MAN1B1: variants seen among roughly 807,000 people sequenced by gnomAD.
The protein encoded by MAN1B1 is endoplasmic reticulum mannosyl-oligosaccharide 1,2-alpha-mannosidase.
Under a neutral mutation model 75.5 loss-of-function variants are expected in MAN1B1, and 66 were observed. The ratio of observed to expected loss-of-function variants is 0.87; its 90% CI spans 0.72 to 1.07. The LOEUF (loss-of-function observed/expected upper bound fraction) is 1.07. Ranked by LOEUF, MAN1B1 falls within the 50% of genes least tolerant of loss-of-function variation. The pLI, the probability that MAN1B1 is intolerant of heterozygous loss-of-function variation, is 0.00. For synonymous variants in MAN1B1, 453 were observed against 382.8 expected (o/e 1.18, Z -2.14); for missense variants, 973 against 912.5 (o/e 1.07, Z -0.85).
At chr9:137,104,790 G>C (rs747975654) in intron 8 of MAN1B1, 5 of 153,468 alleles carry the variant, frequency 3.3e-5, no homozygotes, top group Non-Finnish European at 5.7e-5. Context: ...CTGCTTTGTT[G>C]TGAGTGCGGG....
chr9:137,102,925 G>C (rs527927682), intron 8 of MAN1B1: 2 of 371,620 alleles, frequency 5.4e-6, no homozygotes, highest in Admixed American at 3.1e-5. Flanking sequence ...CATTCACGCT[G>C]TTGCAGGCAT....
In MAN1B1 at chr9:137,108,626, G is replaced by A. The variant is rs1831204099; in HGVS notation, c.*35G>A. On this transcript the variant is annotated 3_prime_UTR_variant, in exon 13 of 13. Transcript: ENST00000371589. ...CTGCTGGTGTGGGGACTTCGGGTGG[G>A]CAGAGGCACCTTGCTGGGTCTGTGG... 1.9e-6 allele frequency: 3 copies of A among 1,598,652 alleles called. No individual in the cohort carries two copies. Among genetic ancestry groups the A allele is most frequent in the Non-Finnish European group, 2.6e-6 (3 of 1,166,632 alleles).
intron 8 of MAN1B1, 157 bp downstream of exon 8, chr9:137,101,829 CGTG>C (rs1164464777): frequency 8.5e-6 from 8 of 937,762 alleles, no homozygotes; most frequent in Non-Finnish European, 1.3e-5. Context: ...CATTTCCAGG[CGTG>C]GTCGGTGGTG....
Position 137,107,298 on chromosome 9 carries a change from C to T in MAN1B1, c.1615C>T (p.His539Tyr). ...AGGGACGCTGGCTCTGGGCGTCTAC[C>T]ACGGCCTGCCCGCCAGCCACATGGA... ...LPGTLALGVYHGLPASHMELA... is the reference protein window; with the variant it reads ...LPGTLALGVYYGLPASHMELA... Residue 539 changes from histidine (H) to tyrosine (Y), a missense_variant, in exon 11 of 13, where the codon CAC (histidine) becomes TAC (tyrosine). By Grantham distance (83) the His-to-Tyr change is moderately conservative. Coordinates refer to ENST00000371589, the MANE Select transcript of MAN1B1 (RefSeq NM_016219.5). 1 of 1,613,114 alleles carries T rather than the reference C, an allele frequency of 6.2e-7. No individual in the cohort carries two copies. The highest frequency in any genetic ancestry group is 1.7e-5 in the Admixed American group (1 of 60,036).
rs1342601264 is a variant in MAN1B1 at position 137,088,853 on chromosome 9, A to G, written c.329-16A>G. The G allele has an allele frequency of 6.2e-7, 1 of 1,613,728 alleles. No homozygotes were observed. Among genetic ancestry groups the G allele is most frequent in the Non-Finnish European group, 8.5e-7 (1 of 1,180,014 alleles). On this transcript the variant is annotated splice_polypyrimidine_tract_variant and intron_variant, in intron 2 of 12. Transcript: ENST00000371589. ...CCTTGTGGCATATTTGAAATAAAAT[A>G]GCTTCTGTTATTCAGCTCTGGCTTT... is the stretch of plus-strand genomic sequence containing the variant.
rs770728551 is a variant in MAN1B1, at chr9:137,107,247, C to T, written c.1567-3C>T. The T allele has an allele frequency of 6.8e-6, 11 of 1,612,666 alleles. No homozygotes were observed. Among genetic ancestry groups the T allele is most frequent in the Non-Finnish European group, 8.5e-6 (10 of 1,179,788 alleles). On this transcript the variant is annotated splice_region_variant and splice_polypyrimidine_tract_variant and intron_variant, in intron 10 of 12. Coordinates refer to ENST00000371589, the MANE Select transcript of MAN1B1 (RefSeq NM_016219.5). ...TGGGGCTGAAGAGACCCTCTGATTC[C>T]AGGACCACCTGGTGTGCTTCCTGCC...
At chr9:137,106,564 C>T (rs562523035) in intron 9 of MAN1B1, 125 bp from the exon 10 acceptor site, 110 of 1,485,336 alleles carry the variant, frequency 7.4e-5, no homozygotes, top group Non-Finnish European at 9.6e-5. Flanking sequence ...TGCAGGGTGG[C>T]ACCTTCTGTC....
rs1588599371 is a variant in MAN1B1, at chr9:137,099,883, T to G, written c.916+2T>G. 6.2e-7 allele frequency: 1 copy of G among 1,614,064 alleles called. No homozygotes were observed. The highest frequency in any genetic ancestry group is 8.5e-7 in the Non-Finnish European group (1 of 1,180,002). On this transcript the variant is annotated splice_donor_variant, in intron 6 of 12. Coordinates refer to ENST00000371589, the MANE Select transcript of MAN1B1 (RefSeq NM_016219.5). LOFTEE classifies it high-confidence loss of function. The stretch of plus-strand genomic sequence containing the variant: ...TGTGGATCTTGGGTCTGAGGAAAGG[T>G]ACCTGGTGCTTTCTGGGGAGGGGCT...
chr9:137,087,023 A>G lies in MAN1B1; in HGVS notation c.24A>G (p.Arg8=). The G allele has an allele frequency of 1.9e-6, 3 of 1,601,320 alleles. No homozygotes were observed. Among genetic ancestry groups the G allele is most frequent in the Non-Finnish European group, 1.7e-6 (2 of 1,175,798 alleles). MAACEGR[R]SGALGSSQSD... ...CGATGGCTGCCTGCGAGGGCAGGAGAAGCGGAGCTCTCGGTTCCTCTCAGT... is the reference window on the plus strand; with the variant it reads ...CGATGGCTGCCTGCGAGGGCAGGAGGAGCGGAGCTCTCGGTTCCTCTCAGT... The change falls in exon 1 of 13, where the codon AGA becomes AGG. Residue 8 remains arginine, a synonymous_variant. Coordinates refer to ENST00000371589, the MANE Select transcript of MAN1B1 (RefSeq NM_016219.5).
intron 12 of MAN1B1, chr9:137,108,163 G>A (rs1016659275): frequency 2.0e-5 from 12 of 615,054 alleles, no homozygotes; most frequent in African/African-American, 1.7e-4. Flanking sequence ...CCAGGTTCTG[G>A]GGGAGGCGGT....
intron 2 of MAN1B1, chr9:137,088,659 G>A (rs981439819): frequency 9.9e-6 from 7 of 705,354 alleles, no homozygotes; most frequent in Admixed American, 7.8e-5. Context: ...AAAGATGTGG[G>A]GTTCTGTGTT....
Position 137,108,710 on chromosome 9 carries a change from GCTCTGGGCTCCTCCTCGT to G in MAN1B1, c.*125_*142del, listed in dbSNP as rs1564315572. ...GCCAAGTGGCCCAGGCTCTGAACTG[GCTCTGGGCTCCTCCTCGT>G]CTCTGCTTTAATCAGGACACCGTGA... On this transcript the variant is annotated 3_prime_UTR_variant, in exon 13 of 13. Coordinates refer to ENST00000371589, the MANE Select transcript of MAN1B1 (RefSeq NM_016219.5). 4 of 917,152 alleles carry G rather than the reference GCTCTGGGCTCCTCCTCGT, an allele frequency of 4.4e-6. No homozygotes were observed. In the South Asian group the frequency reaches 5.3e-5, roughly 12 times the overall value. The allele number at this position is 917,152 out of a possible 1,614,324, so 56.8% of individuals were successfully genotyped here.
intron 3 of MAN1B1, among the ~76,000 whole-genome samples, chr9:137,092,956 TATTA>T (rs1332887074): frequency 6.6e-6 from 1 of 152,200 alleles, no homozygotes. Context: ...GTATTCCCTT[TATTA>T]TTAGTATGAC....
intron 11 of MAN1B1, 36 bp downstream of exon 11, chr9:137,107,483 A>T (rs761429012): frequency 6.2e-7 from 1 of 1,613,178 alleles, no homozygotes; most frequent in South Asian, 1.1e-5. Context: ...CATCAGGAGG[A>T]GGGTGCTGGC....
chr9:137,105,258 C>T (rs1831051695), intron 8 of MAN1B1: 1 of 152,788 alleles, frequency 6.5e-6, no homozygotes, highest in Admixed American at 6.5e-5. Flanking sequence ...ATGTTCGAGT[C>T]CCTGTTTTTA....
At chr9:137,104,455 A>T in intron 8 of MAN1B1, 1 of 270,734 alleles carries the variant, frequency 3.7e-6, no homozygotes, top group Non-Finnish European at 7.2e-6. Flanking sequence ...GACTGGTCTC[A>T]AACTCCTGAC....
At position 137,102,353 on chromosome 9, in the gene MAN1B1, T is replaced by C. The variant is rs1357715448; in HGVS notation, c.1254+681T>C. 4.4e-5 allele frequency: 19 copies of C among 427,410 alleles called. 1 individual carries two copies. The Middle Eastern group carries it at 2.4e-3, about 54-fold the overall frequency. 26.5% of individuals were successfully genotyped at this position (427,410 alleles called of 1,614,324 possible). A position where few individuals can be genotyped will look rare whatever the true frequency, so the allele number is the denominator to read the frequency against. On this transcript the variant is annotated intron_variant, in intron 8 of 12. Coordinates refer to ENST00000371589, the MANE Select transcript of MAN1B1 (RefSeq NM_016219.5). ...CTGTTGCAGGCGTGCAGGTCGGTGGTGTTACATTCACGCTGTTGCAGACGT... is the reference window on the plus strand; with the variant it reads ...CTGTTGCAGGCGTGCAGGTCGGTGGCGTTACATTCACGCTGTTGCAGACGT...
At position 137,108,946 on chromosome 9, in the gene MAN1B1, C is replaced by A; in HGVS notation, c.*355C>A. ...GTGACCGAGTGGACAGCCCAGGGTG[C>A]AGCTCTGCCCGGGCTCGTGAAGCCT... On this transcript the variant is annotated 3_prime_UTR_variant, in exon 13 of 13. Transcript: ENST00000371589. 1 of 484,216 alleles carries A rather than the reference C, an allele frequency of 2.1e-6. No homozygotes were observed. The allele number at this position is 484,216 out of a possible 1,614,324, so 30.0% of individuals were successfully genotyped here. A position where few individuals can be genotyped will look rare whatever the true frequency, so the allele number is the denominator to read the frequency against.
chr9:137,108,215 G>A, intron 12 of MAN1B1, 173 bp from the exon 13 acceptor site: 1 of 647,014 alleles, frequency 1.5e-6, no homozygotes, highest in Non-Finnish European at 2.7e-6. Context: ...TTTCCAGGTG[G>A]GCTCCGGTGG....
Sources: gnomAD v4.1 joint callset for allele counts (sites outside exome capture counted in the v4.1 genomes callset) on GRCh38, gnomAD v4.1.1 for gene constraint, MANE v1.5 for transcripts, NCBI Gene and HGNC (gene_info 2026-07-23, HGNC 2026-07-21) for gene names.